The following APP variants were observed in gnomAD, a reference collection of about 807,000 sequenced individuals.
APP encodes amyloid-beta precursor protein.
APP carries 31 observed loss-of-function variants against 101.4 expected under a neutral mutation model. That is an observed-to-expected ratio of 0.31 (90% confidence interval 0.23 to 0.41). APP has a LOEUF of 0.41. Ranked by LOEUF, APP falls within the 10% of genes least tolerant of loss-of-function variation. The pLI is 1.00. For missense variants in APP, 839 were observed against 1,003.7 expected, an observed-to-expected ratio of 0.84 and a Z score of 2.22; for synonymous variants, 366 against 364.4, an observed-to-expected ratio of 1.00 and a Z score of -0.05.
intron 5 of APP, among the ~76,000 whole-genome samples, chr21:26,032,570 T>C (rs904374307): frequency 6.6e-6 from 1 of 152,142 alleles, no homozygotes; most frequent in Non-Finnish European, 1.5e-5. Flanking sequence ...GATGGAAATA[T>C]TAACCACCTC....
chr21:26,091,732 G>T (rs1251646173), intron 2 of APP, among the ~76,000 whole-genome samples: 1 of 152,092 alleles, frequency 6.6e-6, no homozygotes, highest in Non-Finnish European at 1.5e-5. Context: ...GGCTTTTAGG[G>T]AAGAGAAAGG....
chr21:25,999,969 G>A (rs374847114), intron 7 of APP, 46 bp downstream of exon 7: 3 of 1,601,742 alleles, frequency 1.9e-6, no homozygotes, highest in Non-Finnish European at 2.6e-6. Flanking sequence ...AGAGTCAGTG[G>A]CGAGAGAGAC....
chr21:26,000,065 C>T lies in APP; in HGVS notation c.983G>A (p.Arg328Gln), dbSNP rs370414043. Residue 328 changes from arginine (R) to glutamine (Q), a missense_variant, in exon 7 of 18, where the codon CGG (arginine) becomes CAG (glutamine). By Grantham distance (43) the Arg-to-Gln change is conservative (BLOSUM62 1). Coordinates refer to ENST00000346798, the MANE Select transcript of APP (RefSeq NM_000484.4). ...PFFYGGCGGN[R>Q]NNFDTEEYCM... Reference sequence around the variant, plus strand: ...GTACTCTTCTGTGTCAAAGTTGTTCCGGTTGCCGCCACATCCGCCGTAAAA... The same window carrying T: ...GTACTCTTCTGTGTCAAAGTTGTTCTGGTTGCCGCCACATCCGCCGTAAAA... The T allele has an allele frequency of 1.4e-5, 23 of 1,613,988 alleles. No individual in the cohort carries two copies. Among genetic ancestry groups the T allele is most frequent in the South Asian group, 2.2e-5 (2 of 91,074 alleles).
At chr21:25,934,587 A>C (rs216765) in intron 13 of APP, 152,333 of 152,334 alleles carry the variant, frequency 1, 76,166 homozygotes, top group Non-Finnish European at 1. Context: ...AGGCGCCCGC[A>C]ACCATCCCCG....
intron 13 of APP, among the ~76,000 whole-genome samples, chr21:25,932,459 T>C (rs542647116): frequency 6.6e-6 from 1 of 152,286 alleles, no homozygotes; most frequent in Non-Finnish European, 1.5e-5. Context: ...ATGGATAACC[T>C]GTTTTCCCGC....
chr21:26,125,129 T>C (rs1034373092), intron 1 of APP, among the ~76,000 whole-genome samples: 3 of 152,068 alleles, frequency 2.0e-5, no homozygotes, highest in Non-Finnish European at 4.4e-5. Context: ...ACAGGAAGCA[T>C]GAAAGGTAGC....
At chr21:25,944,886 G>T (rs2040738631) in intron 13 of APP, among the ~76,000 whole-genome samples, 1 of 152,178 alleles carries the variant, frequency 6.6e-6, no homozygotes, top group Non-Finnish European at 1.5e-5. Context: ...ACTGTGGTCT[G>T]ACTTCACTTC....
At chr21:25,991,098 T>C (rs7277559) in intron 8 of APP, among the ~76,000 whole-genome samples, 48,917 of 151,936 alleles carry the variant, frequency 0.32, 9,166 homozygotes, top group African/African-American at 0.52. Flanking sequence ...CCCTTATAAA[T>C]TGGGAGCTAA....
intron 4 of APP, 21 bp downstream of exon 4, chr21:26,053,215 A>G (rs2045906967): frequency 5.7e-6 from 9 of 1,571,590 alleles, no homozygotes; most frequent in Non-Finnish European, 7.9e-6. Context: ...TTGCAATAAG[A>G]AAGAATTTAT....
At position 26,170,612 on chromosome 21, in the gene APP, G is replaced by A. The variant is rs1166550399; in HGVS notation, c.9C>T (p.Pro3=). The change falls in exon 1 of 18, where the codon CCC becomes CCT. Residue 3 remains proline, a synonymous_variant. Coordinates refer to ENST00000346798, the MANE Select transcript of APP (RefSeq NM_000484.4). Reference sequence around the variant, plus strand: ...CGGCCAGCAGGAGCAGTGCCAAACCGGGCAGCATCGCGACCCTGCGCGGGG... The same window carrying A: ...CGGCCAGCAGGAGCAGTGCCAAACCAGGCAGCATCGCGACCCTGCGCGGGG... ML[P]GLALLLLAAW... The A allele has an allele frequency of 2.0e-6, 3 of 1,536,794 alleles. No individual in the cohort carries two copies. Among genetic ancestry groups the A allele is most frequent in the Admixed American group, 2.0e-5 (1 of 50,988 alleles).
rs199820754 is a variant in APP at position 25,897,576 on chromosome 21, T to C, written c.2061A>G (p.Lys687=). The C allele has an allele frequency of 6.2e-7, 1 of 1,610,882 alleles. No individual in the cohort carries two copies. Among genetic ancestry groups the C allele is most frequent in the Non-Finnish European group, 8.5e-7 (1 of 1,177,032 alleles). ...AGAGGTAAATTATTTTACGTACCAATTTTTGATGATGAACTTCATATCCTG... is the reference window on the plus strand; with the variant it reads ...AGAGGTAAATTATTTTACGTACCAACTTTTGATGATGAACTTCATATCCTG... ...HDSGYEVHHQ[K]LVFFAEDVGS... The change falls in exon 16 of 18, where the codon AAA becomes AAG. Residue 687 remains lysine (K), a synonymous_variant. Transcript: ENST00000346798.
At chr21:25,954,537 C>A in intron 13 of APP, 53 bp downstream of exon 13, 1 of 1,488,230 alleles carries the variant, frequency 6.7e-7, no homozygotes, top group South Asian at 1.2e-5. Flanking sequence ...CTCAATTTTC[C>A]TCTGGGGGAA....
Position 25,978,559 on chromosome 21 carries a change from T to A in APP, c.1225-2531A>T, listed in dbSNP as rs534261904. Reference sequence around the variant, plus strand: ...TGTTTTTGTACCCTGTGGTACCCAATTTTTTATTATAAAATAAAAAATTCA... The same window carrying A: ...TGTTTTTGTACCCTGTGGTACCCAAATTTTTATTATAAAATAAAAAATTCA... On this transcript the variant is annotated intron_variant, in intron 9 of 17. Transcript: ENST00000346798. 4.3e-4 allele frequency among the ~76,000 whole-genome samples: 66 copies of A among 152,316 alleles called. 1 individual carries two copies. The highest frequency in any genetic ancestry group is 1.3e-3 in the African/African-American group (55 of 41,556).
intron 8 of APP, among the ~76,000 whole-genome samples, chr21:25,994,979 T>C (rs944984639): frequency 6.6e-6 from 1 of 152,198 alleles, no homozygotes; most frequent in South Asian, 2.1e-4. Context: ...CAAGAAAATA[T>C]AGCTGCCCAA....
chr21:26,022,911 G>T (rs932485978), intron 5 of APP, among the ~76,000 whole-genome samples: 1 of 147,326 alleles, frequency 6.8e-6, no homozygotes, highest in East Asian at 2.1e-4. Context: ...ACTCACACAG[G>T]TGGAAGATGA....
At chr21:26,157,187 A>G (rs1270943892) in intron 1 of APP, among the ~76,000 whole-genome samples, 1 of 152,032 alleles carries the variant, frequency 6.6e-6, no homozygotes, top group African/African-American at 2.4e-5. Context: ...CTCCTGTCTC[A>G]GCCTCCCGAG....
intron 11 of APP, among the ~76,000 whole-genome samples, chr21:25,971,351 A>G: frequency 6.6e-6 from 1 of 152,234 alleles, no homozygotes; most frequent in Middle Eastern, 3.2e-3. Context: ...TGGCATAAAC[A>G]ACATTTCTGC....
chr21:26,124,509 G>A (rs757733881), intron 1 of APP, among the ~76,000 whole-genome samples: 1 of 152,126 alleles, frequency 6.6e-6, no homozygotes, highest in Non-Finnish European at 1.5e-5. Context: ...TGATCTAACT[G>A]GACTCCAAGA....
intron 1 of APP, among the ~76,000 whole-genome samples, chr21:26,131,128 C>T (rs45505394): frequency 0.016 from 2,371 of 152,194 alleles, 56 homozygotes; most frequent in African/African-American, 0.052. Flanking sequence ...ACTCAGGAGG[C>T]TGAGGCAGGA....
Sources: allele counts gnomAD v4.1 joint callset (sites outside exome capture counted in the v4.1 genomes callset), GRCh38; gene constraint gnomAD v4.1.1; transcripts MANE v1.5; gene names NCBI Gene and HGNC (gene_info 2026-07-23, HGNC 2026-07-21).